The following CHD4 variants were observed in gnomAD, a reference collection of about 807,000 sequenced individuals.
The protein encoded by CHD4 is chromodomain helicase DNA binding protein 4, also known as ATP-dependent chromatin remodeler CHD4.
A neutral mutation model predicts 235.5 loss-of-function variants in CHD4; 35 were observed. That is an observed-to-expected ratio of 0.15 (90% confidence interval 0.11 to 0.20). The LOEUF (loss-of-function observed/expected upper bound fraction) is 0.20, where lower values mean the gene tolerates loss of function less well. CHD4 is among the 10% of genes least tolerant of loss of function. CHD4 has a pLI of 1.00. For missense variants in CHD4, 1,329 were observed against 2,432.3 expected, an observed-to-expected ratio of 0.55 and a Z score of 9.54; for synonymous variants, 900 against 850.2, an observed-to-expected ratio of 1.06 and a Z score of -1.02.
chr12:6,583,130 C>T lies in CHD4; in HGVS notation c.4061-17G>A. On this transcript the variant is annotated splice_polypyrimidine_tract_variant and intron_variant, in intron 26 of 39. Transcript: ENST00000544040. ...CCTGCCAATCTGGAGGGAGAGAGGGCAGATGAGCGGGGCCCACTGCTCTAG... is the reference window on the plus strand; with the variant it reads ...CCTGCCAATCTGGAGGGAGAGAGGGTAGATGAGCGGGGCCCACTGCTCTAG... 2 of 1,603,428 alleles carry T rather than the reference C, an allele frequency of 1.2e-6. No individual in the cohort carries two copies. The highest frequency in any genetic ancestry group is 1.1e-5 in the South Asian group (1 of 90,064).
intron 22 of CHD4, among the ~76,000 whole-genome samples, chr12:6,591,064 A>C (rs1306985829): frequency 7.2e-6 from 1 of 139,508 alleles, no homozygotes; most frequent in African/African-American, 2.6e-5. Context: ...CGGAGGTTGC[A>C]GTGAGCCAAG....
In CHD4 at chr12:6,602,919, T is replaced by C. The variant is rs77267007; in HGVS notation, c.101-422A>G. On this transcript the variant is annotated intron_variant, in intron 2 of 39. Coordinates refer to ENST00000544040, the MANE Select transcript of CHD4 (RefSeq NM_001273.5). ...GATCCTACTCAGAAGGCAAAAACTA[T>C]AGAATATACCTTCCCAGAACAGGAT... The C allele has an allele frequency of 6.1e-3, 1,015 of 167,698 alleles. 2 individuals are homozygous for C. The highest frequency in any genetic ancestry group is 8.7e-3 in the Non-Finnish European group (668 of 77,004). The allele number at this position is 167,698 out of a possible 1,614,324, so 10.4% of individuals were successfully genotyped here. A position where few individuals can be genotyped will look rare whatever the true frequency, so the allele number is the denominator to read the frequency against.
At position 6,600,930 on chromosome 12, in the gene CHD4, G is replaced by C; in HGVS notation, c.923C>G (p.Ser308Cys). 2 of 1,586,556 alleles carry C rather than the reference G, an allele frequency of 1.3e-6. No individual in the cohort carries two copies. Among genetic ancestry groups the C allele is most frequent in the Non-Finnish European group, 1.7e-6 (2 of 1,169,386 alleles). Reference protein sequence around the residue: ...LGGFGSKRKRSSSEDDDLDVE... With the variant: ...LGGFGSKRKRCSSEDDDLDVE... ...AGCGATGGGCTGGGCTCTCACCGAG[G>C]ATCTCTTACGCTTGGAACCAAAACC... is the stretch of plus-strand genomic sequence containing the variant. The change falls in exon 7 of 40, where the codon TCC becomes TGC. Residue 308 changes from serine (S) to cysteine (C), a missense_variant. By Grantham distance (112) the Ser-to-Cys change is moderately radical. Around this residue, in one of 26 missense-constraint regions of CHD4, gnomAD observed 160 missense variants for 196.6 expected, o/e 0.81. Coordinates refer to ENST00000544040, the MANE Select transcript of CHD4 (RefSeq NM_001273.5).
intron 23 of CHD4, 128 bp downstream of exon 23, chr12:6,588,170 C>T: frequency 7.5e-7 from 1 of 1,332,530 alleles, no homozygotes. Flanking sequence ...ATAAGGTAAA[C>T]AACACAAAAA....
At position 6,593,729 on chromosome 12, in the gene CHD4, G is replaced by A. The variant is rs1478448347; in HGVS notation, c.2314-113C>T. On this transcript the variant is annotated intron_variant, in intron 15 of 39. Transcript: ENST00000544040. This position sits in a 1 kb window ranked among gnomAD's most constrained non-coding sequence, Gnocchi z 4.9. ...CTGAGCCAAGGACTGACACACCTGC[G>A]CTGCTGCTCCTGCTCTCACCTTCCT... is the stretch of plus-strand genomic sequence containing the variant. 1.1e-5 allele frequency: 10 copies of A among 902,196 alleles called. No homozygotes were observed. The highest frequency in any genetic ancestry group is 4.7e-5 in the South Asian group (3 of 64,254). The allele number at this position is 902,196 out of a possible 1,614,324, so 55.9% of individuals were successfully genotyped here.
chr12:6,587,238 G>C, intron 25 of CHD4, 146 bp downstream of exon 25: 1 of 763,244 alleles, frequency 1.3e-6, no homozygotes, highest in Non-Finnish European at 2.1e-6. Context: ...CATGTTATCA[G>C]CTTTGTTTTC....
At position 6,598,794 on chromosome 12, in the gene CHD4, G is replaced by A. The variant is rs548110779; in HGVS notation, c.1483-369C>T. On this transcript the variant is annotated intron_variant, in intron 10 of 39. Transcript: ENST00000544040. ...ACTGCACTCCAGCCTGGGGGACAGA[G>A]CAAGACTCCATCTCAAAAAAATAAA... Among the ~76,000 whole-genome samples, 4 of 152,142 alleles carry A rather than the reference G, an allele frequency of 2.6e-5. No homozygotes were observed. The South Asian group carries it at 8.3e-4, about 32-fold the overall frequency.
At chr12:6,598,680 G>A (rs754888678) in intron 10 of CHD4, among the ~76,000 whole-genome samples, 2 of 152,184 alleles carry the variant, frequency 1.3e-5, no homozygotes, top group African/African-American at 4.8e-5. Flanking sequence ...GTGGTGGCAT[G>A]CGCCTGTAGT....
chr12:6,602,898 C>T (rs1051458974), intron 2 of CHD4: 1 of 173,336 alleles, frequency 5.8e-6, no homozygotes, highest in Non-Finnish European at 1.2e-5. Flanking sequence ...ATGAAAGATC[C>T]TACTCAGAAG....
Position 6,593,330 on chromosome 12 carries a change from C to A in CHD4, c.2514+86G>T. ...TCCTCCTCCCAGGGTTACCCTTTTG[C>A]CTCACCAGGGACCAGATCACAAGGA... On this transcript the variant is annotated intron_variant, in intron 16 of 39. Coordinates refer to ENST00000544040, the MANE Select transcript of CHD4 (RefSeq NM_001273.5). The surrounding 1 kb of genome is among the most constrained non-coding windows in gnomAD (Gnocchi z 4.9). The A allele has an allele frequency of 6.3e-7, 1 of 1,596,672 alleles. No homozygotes were observed. Among genetic ancestry groups the A allele is most frequent in the Non-Finnish European group, 8.6e-7 (1 of 1,166,420 alleles).
intron 2 of CHD4, among the ~76,000 whole-genome samples, chr12:6,605,049 C>T (rs1014082747): frequency 1.3e-5 from 2 of 152,144 alleles, no homozygotes; most frequent in African/African-American, 2.4e-5. Flanking sequence ...TCCCAACAGC[C>T]CAGACTCCAT....
intron 10 of CHD4, among the ~76,000 whole-genome samples, chr12:6,599,141 A>G (rs1948546867): frequency 6.6e-6 from 1 of 152,248 alleles, no homozygotes; most frequent in African/African-American, 2.4e-5. Flanking sequence ...CCTATTAAAC[A>G]TTCTAAACTG....
At chr12:6,576,993 G>A (rs750514164) in intron 37 of CHD4, among the ~76,000 whole-genome samples, 22 of 151,358 alleles carry the variant, frequency 1.5e-4, no homozygotes, top group Non-Finnish European at 2.9e-4. Flanking sequence ...CTGGAGTGCC[G>A]TAGCACGATC....
intron 33 of CHD4, 121 bp from the exon 34 acceptor site, chr12:6,579,038 G>A: frequency 2.2e-6 from 2 of 893,846 alleles, no homozygotes; most frequent in Middle Eastern, 3.3e-4. Context: ...ATGTCAGCTG[G>A]GCATGGTGGC....
At position 6,588,775 on chromosome 12, in the gene CHD4, A is replaced by G. The variant is rs926264432; in HGVS notation, c.3341-353T>C. 5.3e-5 allele frequency among the ~76,000 whole-genome samples: 8 copies of G among 150,562 alleles called. No homozygotes were observed. The South Asian group carries it at 6.3e-4, about 12-fold the overall frequency. ...CCTGGGCAACAGAGCAAGAAACTCC[A>G]TCTCAAAAAAAAAAAAAAATTTAGC... On this transcript the variant is annotated intron_variant, in intron 22 of 39. Coordinates refer to ENST00000544040, the MANE Select transcript of CHD4 (RefSeq NM_001273.5).
intron 15 of CHD4, 103 bp downstream of exon 15, chr12:6,594,356 C>G (rs1334486246): frequency 1.7e-5 from 18 of 1,086,678 alleles, no homozygotes; most frequent in Non-Finnish European, 2.1e-5. Flanking sequence ...TCTTGAAGGT[C>G]AGAGACCAAT....
chr12:6,601,856 T>C lies in CHD4; in HGVS notation c.439-90A>G, dbSNP rs1948597337. 6 of 1,562,446 alleles carry C rather than the reference T, an allele frequency of 3.8e-6. No individual in the cohort carries two copies. In the South Asian group the frequency reaches 6.7e-5, roughly 17 times the overall value. ...GTGTGGAAAAATCAGAGTAACAGAG[T>C]TAAGAGGAAAAGAAGAGAAAGTGTT... is the stretch of plus-strand genomic sequence containing the variant. On this transcript the variant is annotated intron_variant, in intron 4 of 39. Coordinates refer to ENST00000544040, the MANE Select transcript of CHD4 (RefSeq NM_001273.5).
chr12:6,581,600 G>T, intron 31 of CHD4, 49 bp downstream of exon 31: 2 of 1,612,966 alleles, frequency 1.2e-6, no homozygotes, highest in South Asian at 1.1e-5. Flanking sequence ...AGAAAAATAG[G>T]CCAGGACAAA....
At chr12:6,604,015 T>C (rs1948645167) in intron 2 of CHD4, among the ~76,000 whole-genome samples, 1 of 152,194 alleles carries the variant, frequency 6.6e-6, no homozygotes, top group Non-Finnish European at 1.5e-5. Flanking sequence ...CAATGGCTCA[T>C]GCCTGTAATC....
Sources: gnomAD v4.1 joint callset for allele counts (sites outside exome capture counted in the v4.1 genomes callset) on GRCh38, gnomAD v4.1.1 for gene constraint, gnomAD v4.1.1 regional missense constraint, Gnocchi (gnomAD v3.1) non-coding constraint, MANE v1.5 for transcripts, NCBI Gene and HGNC (gene_info 2026-07-23, HGNC 2026-07-21) for gene names.